The following SBF2 variants were observed in gnomAD, a reference collection of about 807,000 sequenced individuals.
SBF2 encodes the protein myotubularin-related protein 13.
Under a neutral mutation model 225.2 loss-of-function variants are expected in SBF2, and 112 were observed. The observed-to-expected ratio is 0.50, with a 90% confidence interval of 0.43 to 0.58. The LOEUF (loss-of-function observed/expected upper bound fraction) is 0.58, where lower values mean the gene tolerates loss of function less well. SBF2 is among the 20% of genes least tolerant of loss of function. The pLI is 0.00. For synonymous variants in SBF2, 763 were observed against 773.3 expected (o/e 0.99, Z 0.22); for missense variants, 1,996 against 2,206.2 (o/e 0.90, Z 1.91).
chr11:10,038,417 T>C (rs559759440), intron 3 of SBF2, among the ~76,000 whole-genome samples: 138 of 152,128 alleles, frequency 9.1e-4, no homozygotes, highest in African/African-American at 3.1e-3. Flanking sequence ...ACAATCTTTT[T>C]TCCTTTGCAC....
intron 1 of SBF2, among the ~76,000 whole-genome samples, chr11:10,240,270 A>C (rs570774520): frequency 8.6e-5 from 13 of 151,212 alleles, no homozygotes; most frequent in East Asian, 4.1e-4. Context: ...AAAAAAAAAA[A>C]AAAAACAGGA....
chr11:10,260,470 A>T (rs988980149), intron 1 of SBF2, among the ~76,000 whole-genome samples: 1 of 152,012 alleles, frequency 6.6e-6, no homozygotes, highest in Admixed American at 6.6e-5. Flanking sequence ...TAATCCTAGC[A>T]CTTTGGGAGG....
intron 14 of SBF2, among the ~76,000 whole-genome samples, chr11:9,967,112 C>T (rs752502429): frequency 6.6e-6 from 1 of 152,212 alleles, no homozygotes; most frequent in Admixed American, 6.5e-5. Flanking sequence ...AGGCTCACGC[C>T]TGTAATCCCA....
chr11:9,968,282 T>G, intron 14 of SBF2, 59 bp downstream of exon 14: 1 of 1,483,288 alleles, frequency 6.7e-7, no homozygotes, highest in Non-Finnish European at 9.4e-7. Flanking sequence ...CACTTTTCCT[T>G]TTTGGGTCTT....
At chr11:10,171,186 GTGGTGAAAGTGGGCATCCT>G (rs1251110013) in intron 2 of SBF2, among the ~76,000 whole-genome samples, 3 of 152,000 alleles carry the variant, frequency 2.0e-5, no homozygotes, top group Non-Finnish European at 4.4e-5. Flanking sequence ...TTGAATAACA[GTGGTGAAAGTGGGCATCCT>G]TGTCACCTTC....
intron 16 of SBF2, among the ~76,000 whole-genome samples, chr11:9,942,848 A>G (rs1783640748): frequency 6.6e-6 from 1 of 150,672 alleles, no homozygotes; most frequent in Non-Finnish European, 1.5e-5. Flanking sequence ...CAAAAAAAAC[A>G]AAGAAAGAAA....
chr11:10,241,521 T>A (rs1959217919), intron 1 of SBF2, among the ~76,000 whole-genome samples: 1 of 151,866 alleles, frequency 6.6e-6, no homozygotes, highest in African/African-American at 2.4e-5. Context: ...AGCTAAAAGT[T>A]GGTTGTTAAT....
intron 5 of SBF2, 148 bp downstream of exon 5, chr11:10,029,616 CA>C (rs1949179266): frequency 2.9e-6 from 2 of 684,486 alleles, no homozygotes; most frequent in East Asian, 5.3e-5. Flanking sequence ...GAAAGCAGAC[CA>C]TGGGGACAAT....
At position 10,029,771 on chromosome 11, in the gene SBF2, C is replaced by T. The variant is rs1949186575; in HGVS notation, c.507G>A (p.Gly169=). ...CTCTTTCTATTCTATTTACCTGAGA[C>T]CCTCCAGCCGCTGGGACAAGGCAGG... ...LCACLVPAAG[G]SQKLFSLGAG... is the part of the protein sequence containing the mutation. The change falls in exon 5 of 40, where the codon GGG becomes GGA. Residue 169 remains glycine, a synonymous_variant. Coordinates refer to ENST00000256190, the MANE Select transcript of SBF2 (RefSeq NM_030962.4). The T allele has an allele frequency of 6.2e-7, 1 of 1,606,508 alleles. No homozygotes were observed. The highest frequency in any genetic ancestry group is 1.7e-5 in the Admixed American group (1 of 59,988).
intron 1 of SBF2, among the ~76,000 whole-genome samples, chr11:10,200,698 C>CT (rs1297250769): frequency 6.6e-6 from 1 of 151,926 alleles, no homozygotes; most frequent in East Asian, 1.9e-4. Context: ...AATTAACTTA[C>CT]TTTTTTTAGT....
At chr11:10,098,678 T>G (rs1228604126) in intron 2 of SBF2, among the ~76,000 whole-genome samples, 4 of 65,756 alleles carry the variant, frequency 6.1e-5, no homozygotes, top group African/African-American at 2.2e-4. Flanking sequence ...AGACAAAAAA[T>G]GCACACACAC....
chr11:9,911,924 C>G lies in SBF2; in HGVS notation c.1861-15913G>C, dbSNP rs78274132. ...CTAGGCGTGGAATACGCTAACCAAG[C>G]TTGTCCAACACGCGGCCCACAGGCC... is the stretch of plus-strand genomic sequence containing the variant. On this transcript the variant is annotated intron_variant, in intron 16 of 39. Transcript: ENST00000256190. Among the ~76,000 whole-genome samples, 51 of 152,382 alleles carry G rather than the reference C, an allele frequency of 3.3e-4. 1 individual carries two copies. In the East Asian group the frequency reaches 9.6e-3, roughly 29 times the overall value.
intron 16 of SBF2, among the ~76,000 whole-genome samples, chr11:9,911,994 A>C (rs1323116239): frequency 2.0e-5 from 3 of 152,262 alleles, no homozygotes; most frequent in African/African-American, 7.2e-5. Flanking sequence ...CACAATTCAT[A>C]AACTTTTTAA....
At position 9,839,567 on chromosome 11, in the gene SBF2, C is replaced by G. The variant is rs187674701; in HGVS notation, c.3386G>C (p.Ser1129Thr). 3.1e-6 allele frequency: 5 copies of G among 1,614,170 alleles called. No homozygotes were observed. Among genetic ancestry groups the G allele is most frequent in the Admixed American group, 3.3e-5 (2 of 60,010 alleles). Residue 1129 changes from serine to threonine, a missense_variant, in exon 26 of 40, where the codon AGC (serine) becomes ACC (threonine). Coordinates refer to ENST00000256190, the MANE Select transcript of SBF2 (RefSeq NM_030962.4). ...ATACTCGGGTCTTGAACGGGAAGAG[C>G]TGCCACTTATGGTTCCTAAACCTAA... is the stretch of plus-strand genomic sequence containing the variant. ...QRLGLGTISG[S>T]SSRSRPEYFR...
intron 21 of SBF2, among the ~76,000 whole-genome samples, chr11:9,851,075 G>A (rs1204085449): frequency 6.8e-6 from 1 of 146,716 alleles, no homozygotes; most frequent in Non-Finnish European, 1.5e-5. Flanking sequence ...GGGGGAGGTT[G>A]CAGTGAGCCG....
chr11:9,881,148 A>G (rs1212751653), intron 17 of SBF2, among the ~76,000 whole-genome samples: 1 of 152,252 alleles, frequency 6.6e-6, no homozygotes, highest in Non-Finnish European at 1.5e-5. Context: ...CATTTCTTCA[A>G]GTCCAACAAC....
intron 16 of SBF2, among the ~76,000 whole-genome samples, chr11:9,904,782 T>G (rs1861995967): frequency 6.6e-6 from 1 of 152,194 alleles, no homozygotes; most frequent in Non-Finnish European, 1.5e-5. Flanking sequence ...CACAGAACTT[T>G]GGGAGGCCGA....
At chr11:10,183,725 A>G (rs944347649) in intron 2 of SBF2, among the ~76,000 whole-genome samples, 1 of 152,232 alleles carries the variant, frequency 6.6e-6, no homozygotes, top group African/African-American at 2.4e-5. Context: ...AGTCAGGCAC[A>G]GAATGATAAC....
chr11:9,864,710 G>A (rs1441692202), intron 17 of SBF2, among the ~76,000 whole-genome samples: 3 of 151,986 alleles, frequency 2.0e-5, no homozygotes, highest in Non-Finnish European at 4.4e-5. Context: ...AAACCATTTA[G>A]CCTTCTAATG....
Sources: gnomAD v4.1 joint callset for allele counts (sites outside exome capture counted in the v4.1 genomes callset) on GRCh38, gnomAD v4.1.1 for gene constraint, MANE v1.5 for transcripts, NCBI Gene and HGNC (gene_info 2026-07-23, HGNC 2026-07-21) for gene names.